TENM1: variants seen among roughly 807,000 people sequenced by gnomAD.
TENM1 encodes teneurin-1.
TENM1 carries 35 observed loss-of-function variants against 174.8 expected under a neutral mutation model. The ratio of observed to expected loss-of-function variants is 0.20; its 90% CI spans 0.15 to 0.27. The LOEUF is 0.27. Among genes scored for constraint, TENM1 ranks in the 10% least tolerant of loss-of-function variants. The probability of loss-of-function intolerance (pLI) is 1.00; values close to 1 mark genes in which losing one functional copy is unlikely to be tolerated. For synonymous variants in TENM1, 781 were observed against 798.7 expected, an observed-to-expected ratio of 0.98 and a Z score of 0.37; for missense variants, 1,633 against 2,130.1, an observed-to-expected ratio of 0.77 and a Z score of 4.59.
intron 3 of TENM1, among the ~76,000 whole-genome samples, chrX:124,771,067 A>G (rs1376537181): frequency 8.9e-6 from 1 of 112,406 alleles, no homozygotes; most frequent in African/African-American, 3.2e-5. Flanking sequence ...TTTATCAATT[A>G]TAAATAAAAA....
At chrX:124,483,089 T>C (rs1461878474) in intron 21 of TENM1, among the ~76,000 whole-genome samples, 1 of 112,177 alleles carries the variant, frequency 8.9e-6, no homozygotes, top group African/African-American at 3.2e-5. Context: ...TTTTTTCCCA[T>C]GCTGCCTGCA....
the TENM1 span, among the ~76,000 whole-genome samples, chrX:125,071,931 T>C: frequency 9.0e-6 from 1 of 111,290 alleles, no homozygotes; most frequent in African/African-American, 3.3e-5. Context: ...GCATTCATAT[T>C]AATAAACTAT....
chrX:124,506,792 A>G (rs2047458071), intron 18 of TENM1, among the ~76,000 whole-genome samples: 1 of 112,121 alleles, frequency 8.9e-6, no homozygotes, highest in Non-Finnish European at 1.9e-5. Context: ...CAAGCTCACA[A>G]GAACTAGCAA....
chrX:124,697,148 C>A (rs779970523), intron 5 of TENM1, among the ~76,000 whole-genome samples: 2 of 111,593 alleles, frequency 1.8e-5, no homozygotes, highest in African/African-American at 6.5e-5. Flanking sequence ...AATAATCAAA[C>A]ATTTGTGAGG....
At chrX:124,863,387 C>G (rs951321521) in intron 3 of TENM1, among the ~76,000 whole-genome samples, 3 of 111,180 alleles carry the variant, frequency 2.7e-5, no homozygotes, top group African/African-American at 9.8e-5. Context: ...GAGGAGCCCA[C>G]TGCTCTAAAG....
chrX:125,120,451 A>C, the TENM1 span, among the ~76,000 whole-genome samples: 8 of 110,339 alleles, frequency 7.3e-5, no homozygotes, highest in African/African-American at 2.6e-4. Context: ...CAGCTCTTTT[A>C]CCTAATGCCC....
At chrX:124,397,429 A>C (rs997418530) in intron 27 of TENM1, among the ~76,000 whole-genome samples, 4 of 111,507 alleles carry the variant, frequency 3.6e-5, no homozygotes, top group African/African-American at 1.3e-4. Context: ...TGATCACTGC[A>C]GTTGATTTTC....
At chrX:125,060,106 T>A in the TENM1 span, among the ~76,000 whole-genome samples, 3 of 108,557 alleles carry the variant, frequency 2.8e-5, no homozygotes, top group East Asian at 5.9e-4. Flanking sequence ...CTGCGTAAGA[T>A]AATTCCTTAT....
intron 14 of TENM1, among the ~76,000 whole-genome samples, chrX:124,556,903 G>T (rs1311542080): frequency 9.0e-6 from 1 of 111,542 alleles, no homozygotes; most frequent in Non-Finnish European, 1.9e-5. Context: ...TCATATTTGT[G>T]TGGATTATTT....
At chrX:125,036,895 G>A in the TENM1 span, among the ~76,000 whole-genome samples, 1 of 111,103 alleles carries the variant, frequency 9.0e-6, no homozygotes, top group Admixed American at 9.6e-5. Context: ...CATAATCAAG[G>A]GTGCAAAGGC....
chrX:124,794,620 C>T (rs545091374), intron 3 of TENM1, among the ~76,000 whole-genome samples: 11 of 111,020 alleles, frequency 9.9e-5, no homozygotes, highest in African/African-American at 3.3e-4. Context: ...CCCCGCCAAC[C>T]TATTTACTGT....
At chrX:124,580,137 G>A (rs1215248606) in intron 11 of TENM1, among the ~76,000 whole-genome samples, 2 of 111,664 alleles carry the variant, frequency 1.8e-5, no homozygotes, top group African/African-American at 3.3e-5. Context: ...ATCGGCACTT[G>A]TCTGAGATTA....
At chrX:124,382,527 A>C in intron 31 of TENM1, 143 bp downstream of exon 34, 127 of 372,540 alleles carry the variant, frequency 3.4e-4, no homozygotes, top group Non-Finnish European at 4.8e-4. Flanking sequence ...CTTTTTTTAT[A>C]CCTTCTCATT....
At chrX:124,437,566 C>G (rs2060857381) in intron 23 of TENM1, among the ~76,000 whole-genome samples, 1 of 111,868 alleles carries the variant, frequency 8.9e-6, no homozygotes, top group South Asian at 3.8e-4. Flanking sequence ...TCATGTGACT[C>G]TCCCATGTTA....
At chrX:124,714,378 C>A (rs958428441) in intron 4 of TENM1, among the ~76,000 whole-genome samples, 8 of 112,032 alleles carry the variant, frequency 7.1e-5, no homozygotes, top group Non-Finnish European at 1.5e-4. Context: ...TTTTAAAATC[C>A]ATGCCTACAA....
chrX:124,420,914 T>C, intron 24 of TENM1, 93 bp from the exon 28 acceptor site: 2 of 869,288 alleles, frequency 2.3e-6, no homozygotes, highest in Non-Finnish European at 3.2e-6. Context: ...AAGAATCATT[T>C]TAAAGGAAAC....
chrX:125,075,430 G>C, the TENM1 span, among the ~76,000 whole-genome samples: 17 of 111,228 alleles, frequency 1.5e-4, no homozygotes, highest in South Asian at 6.4e-3. Flanking sequence ...TGGCTATTAG[G>C]AATAATACTA....
chrX:124,448,842 A>G (rs965436403), intron 23 of TENM1, among the ~76,000 whole-genome samples: 1 of 112,033 alleles, frequency 8.9e-6, no homozygotes, highest in African/African-American at 3.2e-5. Context: ...GACTAGAACC[A>G]TCAAGGAAGG....
chrX:124,589,362 T>TTGC (rs1432012422), intron 11 of TENM1, among the ~76,000 whole-genome samples: 4 of 105,911 alleles, frequency 3.8e-5, no homozygotes, highest in African/African-American at 1.3e-4. Context: ...TTTGTTGTTG[T>TTGC]TGTTGTTGTT....
Sources: allele counts gnomAD v4.1 joint callset (sites outside exome capture counted in the v4.1 genomes callset), GRCh38; gene constraint gnomAD v4.1.1; transcripts MANE v1.5; gene names NCBI Gene and HGNC (gene_info 2026-07-23, HGNC 2026-07-21).